Variants in JPH3 observed in about 807,000 individuals in gnomAD.
JPH3 encodes junctophilin-3.
A neutral mutation model predicts 59.6 loss-of-function variants in JPH3; 11 were observed. That is an observed-to-expected ratio of 0.18 (90% CI 0.12 to 0.31). The LOEUF is 0.31. Ranked by LOEUF, JPH3 falls within the 10% of genes least tolerant of loss-of-function variation. The probability of loss-of-function intolerance (pLI) is 1.00; values close to 1 mark genes in which losing one functional copy is unlikely to be tolerated. For missense variants in JPH3, 1,202 were observed against 1,105.7 expected (o/e 1.09, Z -1.24); for synonymous variants, 673 against 483.6 (o/e 1.39, Z -5.14).
At chr16:87,673,241 C>T (rs981869834) in intron 2 of JPH3, among the ~76,000 whole-genome samples, 8 of 151,878 alleles carry the variant, frequency 5.3e-5, no homozygotes, top group African/African-American at 9.7e-5. Flanking sequence ...AAAAATCAAC[C>T]GCACTCTTAA....
At position 87,658,519 on chromosome 16, in the gene JPH3, C is replaced by A. The variant is rs143819477; in HGVS notation, c.1160+13484C>A. 6.8e-4 allele frequency among the ~76,000 whole-genome samples: 104 copies of A among 152,220 alleles called. No homozygotes were observed. In the Middle Eastern group the frequency reaches 0.01, roughly 15 times the overall value. On this transcript the variant is annotated intron_variant, in intron 2 of 4. Coordinates refer to ENST00000284262, the MANE Select transcript of JPH3 (RefSeq NM_020655.4). ...TCTCTTTTTCTCGTTCTCTGTCACT[C>A]CGTTTCTGCTTTTGTTCCCCCTTCT... is the stretch of plus-strand genomic sequence containing the variant.
At chr16:87,684,437 A>G in intron 3 of JPH3, 171 bp downstream of exon 3, 1 of 1,099,616 alleles carries the variant, frequency 9.1e-7, no homozygotes, top group Non-Finnish European at 1.3e-6. Context: ...GTTTGTGCCA[A>G]GGCCTGGCCT....
At chr16:87,608,810 G>A (rs1322772318) in intron 1 of JPH3, among the ~76,000 whole-genome samples, 1 of 152,200 alleles carries the variant, frequency 6.6e-6, no homozygotes, top group Non-Finnish European at 1.5e-5. Flanking sequence ...GCCGAGATGG[G>A]AGGTTCACTT....
intron 1 of JPH3, among the ~76,000 whole-genome samples, chr16:87,617,288 G>A (rs143513599): frequency 1.1e-3 from 174 of 152,256 alleles, no homozygotes; most frequent in African/African-American, 3.8e-3. Context: ...ATTGCTGGGC[G>A]GTGTCCCACG....
At chr16:87,604,232 A>C in intron 1 of JPH3, 8 of 1,444,360 alleles carry the variant, frequency 5.5e-6, no homozygotes, top group Non-Finnish European at 7.3e-6. Flanking sequence ...CTGTGCCTTC[A>C]TTCTAAGATG....
At chr16:87,606,583 G>T (rs2030530181) in intron 1 of JPH3, among the ~76,000 whole-genome samples, 1 of 152,158 alleles carries the variant, frequency 6.6e-6, no homozygotes, top group Non-Finnish European at 1.5e-5. Context: ...TGTGACCCTG[G>T]TTGGATTACT....
chr16:87,635,287 A>G (rs56216834), intron 1 of JPH3, among the ~76,000 whole-genome samples: 44,473 of 152,008 alleles, frequency 0.29, 6,698 homozygotes, highest in Non-Finnish European at 0.32. Context: ...GCACCTGGTG[A>G]GGGCTGCGCT....
chr16:87,674,441 T>C (rs1035714015), intron 2 of JPH3, among the ~76,000 whole-genome samples: 3 of 152,260 alleles, frequency 2.0e-5, no homozygotes, highest in Non-Finnish European at 2.9e-5. Flanking sequence ...GAGCCTGTCC[T>C]GTGACGGAGT....
chr16:87,692,347 C>A (rs1235007184), intron 4 of JPH3, among the ~76,000 whole-genome samples: 1 of 152,120 alleles, frequency 6.6e-6, no homozygotes, highest in Non-Finnish European at 1.5e-5. Context: ...GGGCCCGTGC[C>A]AGCCGGCATC....
intron 2 of JPH3, among the ~76,000 whole-genome samples, chr16:87,659,248 G>T (rs1052724481): frequency 6.6e-6 from 1 of 151,764 alleles, no homozygotes; most frequent in Non-Finnish European, 1.5e-5. Context: ...ATGGTGGCAG[G>T]CACCTGTAAT....
At chr16:87,619,139 A>G (rs1597238987) in intron 1 of JPH3, among the ~76,000 whole-genome samples, 1 of 151,858 alleles carries the variant, frequency 6.6e-6, no homozygotes, top group East Asian at 1.9e-4. Context: ...AACATGGCAA[A>G]ACCCCATTTC....
At chr16:87,689,192 G>C (rs917420982) in intron 3 of JPH3, among the ~76,000 whole-genome samples, 2 of 152,194 alleles carry the variant, frequency 1.3e-5, no homozygotes, top group African/African-American at 4.8e-5. Context: ...CCAGCACCCT[G>C]AGACACAGTC....
chr16:87,634,675 C>G (rs967572653), intron 1 of JPH3, among the ~76,000 whole-genome samples: 1 of 152,222 alleles, frequency 6.6e-6, no homozygotes, highest in African/African-American at 2.4e-5. Flanking sequence ...CGTGCCCACC[C>G]ATGGGAAACG....
chr16:87,662,321 G>A (rs763135022), intron 2 of JPH3, among the ~76,000 whole-genome samples: 10 of 152,272 alleles, frequency 6.6e-5, no homozygotes, highest in South Asian at 4.1e-4. Flanking sequence ...AGTGGGCGCC[G>A]AATGAATGGT....
intron 4 of JPH3, 102 bp downstream of exon 4, chr16:87,690,628 T>C: frequency 8.2e-7 from 1 of 1,219,998 alleles, no homozygotes; most frequent in Non-Finnish European, 1.1e-6. Context: ...TGCTCCCCTG[T>C]TCCTCTCCAG....
intron 2 of JPH3, among the ~76,000 whole-genome samples, chr16:87,659,851 C>T (rs941726424): frequency 3.9e-5 from 6 of 152,176 alleles, no homozygotes; most frequent in African/African-American, 1.4e-4. Flanking sequence ...AGAAATGACA[C>T]CCTGGACCCT....
intron 1 of JPH3, among the ~76,000 whole-genome samples, chr16:87,629,035 A>G (rs2031475794): frequency 6.6e-6 from 1 of 152,032 alleles, no homozygotes; most frequent in African/African-American, 2.4e-5. Flanking sequence ...CGGAGTCTCC[A>G]AGGCTCCTTC....
At chr16:87,664,466 G>T (rs1567605830) in intron 2 of JPH3, among the ~76,000 whole-genome samples, 1 of 140,862 alleles carries the variant, frequency 7.1e-6, no homozygotes, top group African/African-American at 2.6e-5. Context: ...CTCTACTAAA[G>T]ATACAAAAAT....
intron 2 of JPH3, among the ~76,000 whole-genome samples, chr16:87,659,385 A>AAAAAAAAAAAAAAAAAAAAAC (rs2032624224): frequency 8.5e-6 from 1 of 118,302 alleles, no homozygotes; most frequent in Non-Finnish European, 2.0e-5. Context: ...AAAAAAAAAA[A>AAAAAAAAAAAAAAAAAAAAAC]AGAAAAAAAA....
Sources: allele counts gnomAD v4.1 joint callset (sites outside exome capture counted in the v4.1 genomes callset), GRCh38; gene constraint gnomAD v4.1.1; transcripts MANE v1.5; gene names NCBI Gene and HGNC (gene_info 2026-07-23, HGNC 2026-07-21).